Variants in ANTXR2 observed in about 807,000 individuals in gnomAD.
ANTXR2 encodes ANTXR cell adhesion molecule 2.
Under a neutral mutation model 73.7 loss-of-function variants are expected in ANTXR2, and 44 were observed. That is an observed-to-expected ratio of 0.60 (90% CI 0.47 to 0.77). The LOEUF is 0.77. ANTXR2 is among the 30% of genes least tolerant of loss of function. The pLI is 0.00. For missense variants in ANTXR2, 604 were observed against 592.5 expected (o/e 1.02, Z -0.20); for synonymous variants, 217 against 205.9 (o/e 1.05, Z -0.46).
chr4:80,058,931 A>G (rs995493091), intron 3 of ANTXR2, among the ~76,000 whole-genome samples: 2 of 152,088 alleles, frequency 1.3e-5, no homozygotes, highest in African/African-American at 4.8e-5. Context: ...ATAACATTTC[A>G]AAGCAGAAGT....
intron 16 of ANTXR2, among the ~76,000 whole-genome samples, chr4:79,946,705 G>A (rs1234268940): frequency 2.6e-5 from 4 of 152,032 alleles, no homozygotes; most frequent in Non-Finnish European, 5.9e-5. Context: ...ATCAATTCGA[G>A]AAAATCAAAA....
chr4:80,020,397 A>G (rs1732101848), intron 10 of ANTXR2, among the ~76,000 whole-genome samples: 1 of 152,138 alleles, frequency 6.6e-6, no homozygotes, highest in Non-Finnish European at 1.5e-5. Flanking sequence ...AAAAAAAGCA[A>G]AAACAAAAAC....
intron 3 of ANTXR2, among the ~76,000 whole-genome samples, chr4:80,066,350 A>C (rs1418512429): frequency 6.6e-6 from 1 of 152,232 alleles, no homozygotes; most frequent in East Asian, 1.9e-4. Context: ...ACAAAACTGG[A>C]ACTCTAGCCT....
intron 16 of ANTXR2, among the ~76,000 whole-genome samples, chr4:79,926,893 G>GTGTATACACATGTGTGCATATATGTGTA (rs1727805128): frequency 3.3e-5 from 4 of 121,742 alleles, no homozygotes; most frequent in Non-Finnish European, 6.8e-5. Context: ...ATATATGTGT[G>GTGTATACACATGTGTGCATATATGTGTA]TATATACACA....
intron 12 of ANTXR2, among the ~76,000 whole-genome samples, chr4:79,996,401 G>T (rs1730733008): frequency 1.3e-5 from 2 of 151,886 alleles, no homozygotes; most frequent in African/African-American, 4.8e-5. Flanking sequence ...TACACAGATA[G>T]TTATATTTAA....
At chr4:80,004,124 C>T (rs533151456) in intron 12 of ANTXR2, among the ~76,000 whole-genome samples, 1 of 150,184 alleles carries the variant, frequency 6.7e-6, no homozygotes, top group South Asian at 2.1e-4. Flanking sequence ...GGGTGGATCT[C>T]GGGAATTATG....
intron 9 of ANTXR2, 143 bp from the exon 10 acceptor site, chr4:80,031,835 G>T: frequency 2.4e-6 from 1 of 424,692 alleles, no homozygotes; most frequent in Non-Finnish European, 4.2e-6. Flanking sequence ...AGAAAGAGAA[G>T]TGAAAGGGAA....
intron 16 of ANTXR2, among the ~76,000 whole-genome samples, chr4:79,907,756 A>AT (rs1259775125): frequency 6.6e-6 from 1 of 152,230 alleles, no homozygotes; most frequent in Non-Finnish European, 1.5e-5. Context: ...TATCACGGCC[A>AT]TAAAAATATC....
intron 16 of ANTXR2, among the ~76,000 whole-genome samples, chr4:79,929,311 A>G (rs1184115035): frequency 2.6e-5 from 4 of 152,274 alleles, no homozygotes; most frequent in South Asian, 2.1e-4. Flanking sequence ...TCAGGAGTTC[A>G]AGACCAGCCT....
At chr4:80,055,030 T>C (rs1161857114) in intron 6 of ANTXR2, 120 bp downstream of exon 6, 4 of 886,894 alleles carry the variant, frequency 4.5e-6, no homozygotes, top group African/African-American at 3.4e-5. Flanking sequence ...CAGCCATTTC[T>C]ATAAAAAATC....
At chr4:79,987,849 A>G (rs779388351) in intron 12 of ANTXR2, among the ~76,000 whole-genome samples, 2 of 152,164 alleles carry the variant, frequency 1.3e-5, no homozygotes, top group African/African-American at 2.4e-5. Flanking sequence ...TCAACCAAGA[A>G]TTTCATATCC....
chr4:79,933,731 G>GTTTTTTT (rs201263531), intron 16 of ANTXR2, among the ~76,000 whole-genome samples: 1 of 41,972 alleles, frequency 2.4e-5, no homozygotes, highest in Non-Finnish European at 4.1e-5. Flanking sequence ...GCCCTGGTGT[G>GTTTTTTT]TTTGTTTTTT....
In ANTXR2 at chr4:79,901,483, A is replaced by C. The variant is rs2109914922; in HGVS notation, c.*5946T>G. 1 of 147,258 alleles carries C rather than the reference A, an allele frequency of 6.8e-6. No individual in the cohort carries two copies. Among genetic ancestry groups the C allele is most frequent in the South Asian group, 2.1e-4 (1 of 4,684 alleles). 9.1% of individuals were successfully genotyped at this position (147,258 alleles called of 1,614,324 possible). ...CTTTTAGTTCATGGAGACAATGCAT[A>C]TCTTTTTCATAGTCTACACCCTAGA... On this transcript the variant is annotated 3_prime_UTR_variant, in exon 17 of 17. Coordinates refer to ENST00000403729, the MANE Select transcript of ANTXR2 (RefSeq NM_058172.6).
chr4:79,912,748 T>C (rs1202197702), intron 16 of ANTXR2, among the ~76,000 whole-genome samples: 1 of 152,124 alleles, frequency 6.6e-6, no homozygotes, highest in Non-Finnish European at 1.5e-5. Flanking sequence ...GTCAAAAATA[T>C]ACTCAATTTG....
At chr4:80,016,461 C>T (rs1004979416) in intron 11 of ANTXR2, among the ~76,000 whole-genome samples, 1 of 152,176 alleles carries the variant, frequency 6.6e-6, no homozygotes, top group Non-Finnish European at 1.5e-5. Flanking sequence ...TACTCTTTCC[C>T]TTCTTGCTCT....
intron 11 of ANTXR2, among the ~76,000 whole-genome samples, chr4:80,012,301 C>T (rs950584337): frequency 5.3e-5 from 8 of 151,464 alleles, no homozygotes; most frequent in Admixed American, 1.3e-4. Context: ...AGAGTCAAAT[C>T]CAGCCAATCT....
At chr4:79,985,772 A>T (rs1343637999) in intron 12 of ANTXR2, among the ~76,000 whole-genome samples, 1 of 152,062 alleles carries the variant, frequency 6.6e-6, no homozygotes, top group Admixed American at 6.5e-5. Flanking sequence ...GCTTGTAACA[A>T]ATCAGCTTCT....
chr4:80,045,579 G>GTTTTTT (rs137994910), intron 7 of ANTXR2, among the ~76,000 whole-genome samples: 1 of 142,416 alleles, frequency 7.0e-6, no homozygotes, highest in Non-Finnish European at 1.6e-5. Context: ...AAAAAGCAAG[G>GTTTTTT]TTTTTTTTTT....
chr4:80,001,242 T>C (rs971612435), intron 12 of ANTXR2, among the ~76,000 whole-genome samples: 29 of 151,832 alleles, frequency 1.9e-4, no homozygotes, highest in Admixed American at 1.7e-3. Context: ...TGTATACATG[T>C]GCCATGCTGG....
Sources: gnomAD v4.1 joint callset for allele counts (sites outside exome capture counted in the v4.1 genomes callset) on GRCh38, gnomAD v4.1.1 for gene constraint, MANE v1.5 for transcripts, NCBI Gene and HGNC (gene_info 2026-07-23, HGNC 2026-07-21) for gene names.